SCN9A: variants seen among roughly 807,000 people sequenced by gnomAD.
SCN9A encodes sodium voltage-gated channel alpha subunit 9.
A neutral mutation model predicts 187.0 loss-of-function variants in SCN9A; 131 were observed. The ratio of observed to expected loss-of-function variants is 0.70; its 90% CI spans 0.61 to 0.81. The LOEUF is 0.81. Among genes scored for constraint, SCN9A ranks in the 30% least tolerant of loss-of-function variants. The probability of loss-of-function intolerance (pLI) is 0.00; values close to 1 mark genes in which losing one functional copy is unlikely to be tolerated. For missense variants in SCN9A, 2,252 were observed against 2,396.6 expected, an observed-to-expected ratio of 0.94 and a Z score of 1.26; for synonymous variants, 809 against 808.6, an observed-to-expected ratio of 1.00 and a Z score of -0.01.
chr2:166,290,424 TA>T (rs1697993417), intron 9 of SCN9A, among the ~76,000 whole-genome samples: 1 of 152,196 alleles, frequency 6.6e-6, no homozygotes, highest in Non-Finnish European at 1.5e-5. Flanking sequence ...TTCGTTTCGG[TA>T]TATACCCAGT....
Position 166,311,814 on chromosome 2 carries a change from G to A in SCN9A, c.-50-8C>T. 6.9e-7 allele frequency: 1 copy of A among 1,455,052 alleles called. No individual in the cohort carries two copies. The allele number at this position is 1,455,052 out of a possible 1,614,324, so 90.1% of individuals were successfully genotyped here. A position where few individuals can be genotyped will look rare whatever the true frequency, so the allele number is the denominator to read the frequency against. Reference sequence around the variant, plus strand: ...GCTCCTCACATAAGAGGCCTGGATGGAAACAAAGAAATAAAGACTTAACTA... The same window carrying A: ...GCTCCTCACATAAGAGGCCTGGATGAAAACAAAGAAATAAAGACTTAACTA... On this transcript the variant is annotated splice_region_variant and splice_polypyrimidine_tract_variant and intron_variant, in intron 1 of 26. Coordinates refer to ENST00000642356, the MANE Select transcript of SCN9A (RefSeq NM_001365536.1).
rs1318458069 is a variant in SCN9A, at chr2:166,305,736, CTG to C, written c.596+54_596+55del. ...CCAGAGGTTTGCTGTTATTGGAACA[CTG>C]TGCTGCCTGAGATTTTCATAAATTT... On this transcript the variant is annotated intron_variant, in intron 5 of 26. Transcript: ENST00000642356. 2.5e-6 allele frequency: 4 copies of C among 1,609,982 alleles called. No homozygotes were observed. The East Asian group carries it at 8.9e-5, about 36-fold the overall frequency.
intron 17 of SCN9A, among the ~76,000 whole-genome samples, chr2:166,263,171 G>T (rs1279001189): frequency 6.6e-6 from 1 of 151,964 alleles, no homozygotes; most frequent in Non-Finnish European, 1.5e-5. Context: ...ACTCCAGAGG[G>T]TTGTCACAGC....
chr2:166,329,564 G>T (rs1177369362), intron 1 of SCN9A, among the ~76,000 whole-genome samples: 1 of 118,150 alleles, frequency 8.5e-6, no homozygotes, highest in Non-Finnish European at 2.0e-5. Context: ...GTTTGTTATT[G>T]TTGGGGGGGG....
chr2:166,207,096 G>A (rs182345115), intron 24 of SCN9A, among the ~76,000 whole-genome samples: 3 of 152,144 alleles, frequency 2.0e-5, no homozygotes, highest in South Asian at 2.1e-4. Context: ...TAAGTTAGCT[G>A]TAAGTTTTAC....
intron 19 of SCN9A, among the ~76,000 whole-genome samples, chr2:166,241,955 T>A (rs1695583480): frequency 6.6e-6 from 1 of 152,108 alleles, no homozygotes; most frequent in East Asian, 1.9e-4. Context: ...AGAATTATAA[T>A]TCTCTGCAAG....
chr2:166,269,395 C>G (rs1696878826), intron 17 of SCN9A, among the ~76,000 whole-genome samples: 1 of 151,894 alleles, frequency 6.6e-6, no homozygotes, highest in African/African-American at 2.4e-5. Context: ...GCTTTATACC[C>G]CAGGGGAGAC....
intron 1 of SCN9A, among the ~76,000 whole-genome samples, chr2:166,367,660 G>GT (rs1316469257): frequency 6.6e-6 from 1 of 152,086 alleles, no homozygotes; most frequent in Non-Finnish European, 1.5e-5. Flanking sequence ...TCCCATTTCA[G>GT]TTTTTTAATG....
intron 24 of SCN9A, among the ~76,000 whole-genome samples, chr2:166,225,787 C>T (rs1694821054): frequency 1.3e-5 from 2 of 152,068 alleles, no homozygotes; most frequent in South Asian, 4.1e-4. Context: ...GGGAAAATGG[C>T]ATGTCACTAT....
chr2:166,218,620 A>G (rs1237649620), intron 24 of SCN9A, among the ~76,000 whole-genome samples: 2 of 152,136 alleles, frequency 1.3e-5, no homozygotes, highest in Non-Finnish European at 2.9e-5. Flanking sequence ...AAAACCCTGG[A>G]AGACAGCCTA....
intron 1 of SCN9A, among the ~76,000 whole-genome samples, chr2:166,358,790 T>C (rs1330651906): frequency 6.6e-6 from 1 of 152,188 alleles, no homozygotes; most frequent in Admixed American, 6.5e-5. Flanking sequence ...GAGATATTCC[T>C]CCCTCAAACC....
intron 7 of SCN9A, among the ~76,000 whole-genome samples, chr2:166,296,940 G>A (rs899738311): frequency 6.6e-6 from 1 of 152,092 alleles, no homozygotes; most frequent in African/African-American, 2.4e-5. Flanking sequence ...GCTCACGCCT[G>A]TAATGCCAGC....
chr2:166,230,540 C>T (rs1373097408), intron 21 of SCN9A, among the ~76,000 whole-genome samples: 1 of 152,122 alleles, frequency 6.6e-6, no homozygotes, highest in Non-Finnish European at 1.5e-5. Flanking sequence ...TTCTGTGCCT[C>T]CCTACCATGT....
chr2:166,239,071 A>G (rs1271639208), intron 19 of SCN9A, among the ~76,000 whole-genome samples: 1 of 152,184 alleles, frequency 6.6e-6, no homozygotes, highest in East Asian at 1.9e-4. Context: ...GCCACAACAC[A>G]GTGAAAGGAC....
intron 1 of SCN9A, among the ~76,000 whole-genome samples, chr2:166,372,619 C>T (rs1700592434): frequency 6.6e-6 from 1 of 152,066 alleles, no homozygotes; most frequent in Non-Finnish European, 1.5e-5. Context: ...TACATTATCA[C>T]CTACACTGAT....
intron 17 of SCN9A, among the ~76,000 whole-genome samples, chr2:166,266,820 A>G (rs1696761096): frequency 1.3e-5 from 2 of 151,382 alleles, no homozygotes; most frequent in African/African-American, 4.9e-5. Context: ...TTTTGTAGCT[A>G]TTGTAAATGG....
In SCN9A at chr2:166,200,033, T is replaced by C. The variant is rs576022706; in HGVS notation, c.4775-169A>G. Reference sequence around the variant, plus strand: ...TTTTTTTTGAGACGGAGTCTCGCTCTGTCGCCCAGGCTGGAGTGCAGTGGC... The same window carrying C: ...TTTTTTTTGAGACGGAGTCTCGCTCCGTCGCCCAGGCTGGAGTGCAGTGGC... On this transcript the variant is annotated intron_variant, in intron 26 of 26. Transcript: ENST00000642356. Among the ~76,000 whole-genome samples the C allele has an allele frequency of 4.9e-5, 6 of 122,216 alleles. No individual in the cohort carries two copies. The East Asian group carries it at 1.3e-3, about 27-fold the overall frequency. 80.2% of individuals were successfully genotyped at this position (122,216 alleles called of 152,430 possible). A position where few individuals can be genotyped will look rare whatever the true frequency, so the allele number is the denominator to read the frequency against.
chr2:166,286,398 A>AT lies in SCN9A; in HGVS notation c.1539_1540insA (p.Phe514IlefsTer9). The AT allele has an allele frequency of 1.2e-6, 2 of 1,613,790 alleles. No individual in the cohort carries two copies. The highest frequency in any genetic ancestry group is 1.7e-6 in the Non-Finnish European group (2 of 1,179,824). On this transcript the variant is annotated frameshift_variant, in exon 11 of 27. Transcript: ENST00000642356. LOFTEE classifies it high-confidence loss of function. ...CTATGCCCTTCGACACCAAGGTGGA[A>AT]ACTTTTTCTTCTGATGCTGTCCTCT...
chr2:166,202,593 GA>G (rs1362535075), intron 26 of SCN9A, among the ~76,000 whole-genome samples: 1 of 151,678 alleles, frequency 6.6e-6, no homozygotes, highest in East Asian at 1.9e-4. Context: ...TAATAAATTT[GA>G]AAGTCTTAAT....
Sources: gnomAD v4.1 joint callset for allele counts (sites outside exome capture counted in the v4.1 genomes callset) on GRCh38, gnomAD v4.1.1 for gene constraint, MANE v1.5 for transcripts, NCBI Gene and HGNC (gene_info 2026-07-23, HGNC 2026-07-21) for gene names.